The following LOC128462377 variants were observed in gnomAD, a reference collection of about 807,000 sequenced individuals.
the LOC128462377 span, among the ~76,000 whole-genome samples, chr16:89,405,862 G>A: frequency 6.6e-6 from 1 of 152,190 alleles, no homozygotes; most frequent in African/African-American, 2.4e-5. Context: ...AATAATCCCA[G>A]CACTTTGGGA....
chr16:89,324,313 G>C, the LOC128462377 span: 1 of 1,272,290 alleles, frequency 7.9e-7, no homozygotes, highest in South Asian at 1.3e-5. Context: ...CAGGAGCACG[G>C]ACACAGCAGT....
the LOC128462377 span, among the ~76,000 whole-genome samples, chr16:89,358,280 C>T: frequency 9.9e-5 from 15 of 152,278 alleles, no homozygotes; most frequent in Non-Finnish European, 5.9e-5. Context: ...GTAGAGCACA[C>T]AGGCGTGTTC....
the LOC128462377 span, chr16:89,340,082 T>C: frequency 1.3e-5 from 2 of 152,356 alleles, no homozygotes; most frequent in East Asian, 1.9e-4. Context: ...TTCCAACTTT[T>C]TGCGAATACA....
At chr16:89,409,172 G>A in the LOC128462377 span, among the ~76,000 whole-genome samples, 30 of 152,162 alleles carry the variant, frequency 2.0e-4, no homozygotes, top group Middle Eastern at 3.2e-3. Flanking sequence ...TGAAGCCGAC[G>A]GTCTGAGGAA....
At chr16:89,317,220 G>T in the LOC128462377 span, 1 of 686,570 alleles carries the variant, frequency 1.5e-6, no homozygotes, top group Non-Finnish European at 2.6e-6. Flanking sequence ...CCAGGCCCAG[G>T]AAGGGACTTC....
the LOC128462377 span, among the ~76,000 whole-genome samples, chr16:89,326,981 C>G: frequency 2.0e-5 from 3 of 149,108 alleles, no homozygotes; most frequent in African/African-American, 5.0e-5. Flanking sequence ...GTCCACTGGG[C>G]AATGCAGAGG....
At chr16:89,398,354 T>TGGG in the LOC128462377 span, among the ~76,000 whole-genome samples, 1 of 88,476 alleles carries the variant, frequency 1.1e-5, no homozygotes, top group African/African-American at 4.1e-5. Context: ...CTCAGCACTC[T>TGGG]AGGAGGCTGA....
At chr16:89,318,057 C>T in the LOC128462377 span, among the ~76,000 whole-genome samples, 8 of 152,332 alleles carry the variant, frequency 5.3e-5, no homozygotes, top group African/African-American at 1.9e-4. Flanking sequence ...CTGCAGGAAA[C>T]CCAACAGGCA....
At chr16:89,341,866 C>T in the LOC128462377 span, among the ~76,000 whole-genome samples, 10 of 146,424 alleles carry the variant, frequency 6.8e-5, no homozygotes, top group South Asian at 2.1e-4. Flanking sequence ...CCACCCACAG[C>T]GGCCACGGCC....
chr16:89,417,492 A>AAAG, the LOC128462377 span, among the ~76,000 whole-genome samples: 1 of 152,184 alleles, frequency 6.6e-6, no homozygotes, highest in African/African-American at 2.4e-5. Context: ...AGCCAAGGCC[A>AAAG]AAGTCTTTTT....
chr16:89,331,546 A>C, the LOC128462377 span, among the ~76,000 whole-genome samples: 94,982 of 152,110 alleles, frequency 0.62, 29,904 homozygotes, highest in Middle Eastern at 0.72. Flanking sequence ...ACATTTAGGA[A>C]AGAGCCTTTT....
the LOC128462377 span, among the ~76,000 whole-genome samples, chr16:89,414,041 G>A: frequency 5.2e-3 from 776 of 149,268 alleles, 5 homozygotes; most frequent in African/African-American, 0.018. Flanking sequence ...CACACCCTCC[G>A]CCACGGGCCT....
the LOC128462377 span, among the ~76,000 whole-genome samples, chr16:89,328,317 G>A: frequency 4.4e-3 from 665 of 152,282 alleles, 6 homozygotes; most frequent in African/African-American, 0.016. Context: ...TGCGCTTGCT[G>A]CCCCACTCAA....
At chr16:89,321,808 G>T in the LOC128462377 span, among the ~76,000 whole-genome samples, 2 of 152,146 alleles carry the variant, frequency 1.3e-5, no homozygotes, top group African/African-American at 4.8e-5. Flanking sequence ...CACTGCGTGG[G>T]TTCACTTACA....
chr16:89,345,046 G>C, the LOC128462377 span, among the ~76,000 whole-genome samples: 1 of 152,172 alleles, frequency 6.6e-6, no homozygotes, highest in African/African-American at 2.4e-5. Flanking sequence ...CGGTGCTCCA[G>C]GGAAGCCCAG....
At chr16:89,337,047 G>A in the LOC128462377 span, among the ~76,000 whole-genome samples, 12 of 147,872 alleles carry the variant, frequency 8.1e-5, no homozygotes, top group African/African-American at 1.7e-4. Flanking sequence ...TTAGCCAGGT[G>A]TGGTGGTGCA....
the LOC128462377 span, among the ~76,000 whole-genome samples, chr16:89,407,072 G>C: frequency 6.6e-6 from 1 of 151,674 alleles, no homozygotes; most frequent in Non-Finnish European, 1.5e-5. Context: ...TGTAACCCCA[G>C]GTACTCGGGA....
chr16:89,396,677 G>A, the LOC128462377 span, among the ~76,000 whole-genome samples: 1 of 152,036 alleles, frequency 6.6e-6, no homozygotes, highest in Admixed American at 6.6e-5. Flanking sequence ...TCCTCTAATT[G>A]CTATTTGTTG....
chr16:89,365,528 C>A, the LOC128462377 span, among the ~76,000 whole-genome samples: 1 of 152,160 alleles, frequency 6.6e-6, no homozygotes, highest in Admixed American at 6.5e-5. Flanking sequence ...AGAAATGGCT[C>A]CAGGATTTTC....
Sources: allele counts gnomAD v4.1 joint callset (sites outside exome capture counted in the v4.1 genomes callset), GRCh38; gene constraint gnomAD v4.1.1; transcripts MANE v1.5.